Variants in LCLAT1 observed in about 807,000 individuals in gnomAD.
LCLAT1 encodes the protein lysocardiolipin acyltransferase 1, also known as 1-AGP acyltransferase 8.
A neutral mutation model predicts 30.7 loss-of-function variants in LCLAT1; 11 were observed. The ratio of observed to expected loss-of-function variants is 0.36; its 90% CI spans 0.23 to 0.59. The LOEUF is 0.59. Among genes scored for constraint, LCLAT1 ranks in the 20% least tolerant of loss-of-function variants. The pLI is 0.77. For missense variants in LCLAT1, 402 were observed against 458.6 expected (o/e 0.88, Z 1.13); for synonymous variants, 155 against 151.3 (o/e 1.02, Z -0.18).
At chr2:30,506,015 A>G (rs1389332319) in intron 1 of LCLAT1, among the ~76,000 whole-genome samples, 3 of 152,224 alleles carry the variant, frequency 2.0e-5, no homozygotes, top group African/African-American at 7.2e-5. Flanking sequence ...TAAATCCATT[A>G]ACGGTTCAGA....
chr2:30,500,680 G>A (rs552717258), intron 1 of LCLAT1, among the ~76,000 whole-genome samples: 2 of 152,222 alleles, frequency 1.3e-5, no homozygotes, highest in East Asian at 3.9e-4. Flanking sequence ...GCTATGTGAA[G>A]AACCGATTGT....
chr2:30,633,563 T>TAA (rs1483857891), intron 5 of LCLAT1, among the ~76,000 whole-genome samples: 2 of 152,108 alleles, frequency 1.3e-5, no homozygotes, highest in Non-Finnish European at 2.9e-5. Context: ...TGTGTGCCTG[T>TAA]AGTCCCAGCT....
At chr2:30,557,793 A>G (rs576138279) in intron 3 of LCLAT1, among the ~76,000 whole-genome samples, 16 of 152,250 alleles carry the variant, frequency 1.1e-4, no homozygotes, top group Non-Finnish European at 2.9e-5. Context: ...GTGATAAAGG[A>G]GTATTTTTAT....
chr2:30,496,483 G>A (rs1418892601), intron 1 of LCLAT1, among the ~76,000 whole-genome samples: 6 of 152,136 alleles, frequency 3.9e-5, no homozygotes, highest in Admixed American at 2.6e-4. Flanking sequence ...ACTAGAGGAC[G>A]TTCAGTAGGC....
intron 5 of LCLAT1, 43 bp from the exon 6 acceptor site, chr2:30,640,074 T>C (rs762942263): frequency 5.1e-5 from 77 of 1,514,424 alleles, no homozygotes; most frequent in Non-Finnish European, 6.3e-5. Context: ...ATCACCCAAA[T>C]TGAGCACTGC....
At chr2:30,497,771 T>A (rs1277128437) in intron 1 of LCLAT1, among the ~76,000 whole-genome samples, 1 of 152,218 alleles carries the variant, frequency 6.6e-6, no homozygotes, top group Non-Finnish European at 1.5e-5. Context: ...TTGTCAGCCA[T>A]ACTCTTCATC....
In LCLAT1 at chr2:30,539,726, T is replaced by G. The variant is rs185966530; in HGVS notation, c.364+6412T>G. On this transcript the variant is annotated intron_variant, in intron 3 of 5. Coordinates refer to ENST00000379509, the MANE Select transcript of LCLAT1 (RefSeq NM_001002257.3). ...GTCAAAAAAATTTTCAACTCGGGTATAATTTCAGGAGAAGGAAAAGGTAAA... is the reference window on the plus strand; with the variant it reads ...GTCAAAAAAATTTTCAACTCGGGTAGAATTTCAGGAGAAGGAAAAGGTAAA... 6.1e-4 allele frequency among the ~76,000 whole-genome samples: 93 copies of G among 152,312 alleles called. 1 individual carries two copies. The highest frequency in any genetic ancestry group is 2.1e-3 in the African/African-American group (89 of 41,574).
intron 5 of LCLAT1, among the ~76,000 whole-genome samples, chr2:30,619,885 A>C (rs1668161073): frequency 6.6e-6 from 1 of 152,210 alleles, no homozygotes; most frequent in Non-Finnish European, 1.5e-5. Flanking sequence ...AGTGGGAATA[A>C]ACTATTTTCA....
chr2:30,492,764 C>G (rs1403319094), intron 1 of LCLAT1, among the ~76,000 whole-genome samples: 2 of 151,982 alleles, frequency 1.3e-5, no homozygotes, highest in Non-Finnish European at 2.9e-5. Context: ...ATGAAATTGG[C>G]TTGTTAGCAT....
intron 1 of LCLAT1, among the ~76,000 whole-genome samples, chr2:30,494,882 T>C (rs1684027104): frequency 6.6e-6 from 1 of 151,544 alleles, no homozygotes; most frequent in Non-Finnish European, 1.5e-5. Context: ...TGGAGGGAAG[T>C]ATAGTAAATC....
At chr2:30,531,820 T>A (rs1315243676) in intron 2 of LCLAT1, among the ~76,000 whole-genome samples, 2 of 152,180 alleles carry the variant, frequency 1.3e-5, no homozygotes, top group African/African-American at 2.4e-5. Context: ...ATTGCATTTT[T>A]AAAAAAATGC....
intron 1 of LCLAT1, among the ~76,000 whole-genome samples, chr2:30,448,376 A>G (rs998482099): frequency 6.6e-6 from 1 of 152,234 alleles, no homozygotes; most frequent in African/African-American, 2.4e-5. Flanking sequence ...GAGAGTAAGT[A>G]AAAATACATC....
At chr2:30,510,350 C>G (rs1165745012) in intron 1 of LCLAT1, among the ~76,000 whole-genome samples, 1 of 152,188 alleles carries the variant, frequency 6.6e-6, no homozygotes, top group East Asian at 1.9e-4. Flanking sequence ...CTAACACTTG[C>G]TACAGGGACG....
intron 3 of LCLAT1, among the ~76,000 whole-genome samples, chr2:30,543,350 AT>A (rs1457047431): frequency 6.6e-6 from 1 of 152,132 alleles, no homozygotes; most frequent in African/African-American, 2.4e-5. Context: ...TGGATTCAAT[AT>A]GCTAATAGCT....
At chr2:30,515,984 C>T (rs1018364990) in intron 1 of LCLAT1, among the ~76,000 whole-genome samples, 4 of 152,048 alleles carry the variant, frequency 2.6e-5, no homozygotes, top group African/African-American at 7.2e-5. Flanking sequence ...TTTCCTAGGC[C>T]GACTAAGAAT....
chr2:30,532,885 A>G (rs979881080), intron 2 of LCLAT1, among the ~76,000 whole-genome samples: 2 of 152,144 alleles, frequency 1.3e-5, no homozygotes, highest in Non-Finnish European at 2.9e-5. Context: ...TTCAAGGACA[A>G]TCAGCATTTT....
intron 5 of LCLAT1, among the ~76,000 whole-genome samples, chr2:30,591,131 A>C (rs144301353): frequency 9.9e-5 from 15 of 152,238 alleles, no homozygotes; most frequent in African/African-American, 3.1e-4. Flanking sequence ...TGACTTTTGC[A>C]GTTTAGGGCA....
At position 30,470,827 on chromosome 2, in the gene LCLAT1, T is replaced by C. The variant is rs139494736; in HGVS notation, c.-5+23444T>C. Among the ~76,000 whole-genome samples, 156 of 152,328 alleles carry C rather than the reference T, an allele frequency of 1.0e-3. 1 individual carries two copies. Among genetic ancestry groups the C allele is most frequent in the African/African-American group, 3.1e-3 (130 of 41,580 alleles). ...TATTGGAATTTTGATAGAGATTGAA[T>C]TGAGTCTGTAGATTGCTTTGAGTAG... On this transcript the variant is annotated intron_variant, in intron 1 of 5. Transcript: ENST00000379509.
chr2:30,571,919 G>A (rs894540684), intron 5 of LCLAT1, among the ~76,000 whole-genome samples: 2 of 152,154 alleles, frequency 1.3e-5, no homozygotes, highest in East Asian at 3.8e-4. Context: ...CATTTTACAA[G>A]GAACATGATA....
Sources: gnomAD v4.1 joint callset for allele counts (sites outside exome capture counted in the v4.1 genomes callset) on GRCh38, gnomAD v4.1.1 for gene constraint, MANE v1.5 for transcripts, NCBI Gene and HGNC (gene_info 2026-07-23, HGNC 2026-07-21) for gene names.